Variants in SEMA6D observed in about 807,000 individuals in gnomAD.
SEMA6D encodes the protein semaphorin 6D.
Under a neutral mutation model 106.6 loss-of-function variants are expected in SEMA6D, and 35 were observed. The observed-to-expected ratio is 0.33, with a 90% CI of 0.25 to 0.44. The LOEUF is 0.44. Among genes scored for constraint, SEMA6D ranks in the 20% least tolerant of loss-of-function variants. SEMA6D has a pLI of 1.00. For missense variants in SEMA6D, 1,185 were observed against 1,345.9 expected (o/e 0.88, Z 1.87); for synonymous variants, 499 against 487.7 (o/e 1.02, Z -0.31).
chr15:47,314,844 G>GTT (rs2036588658), intron 1 of SEMA6D, among the ~76,000 whole-genome samples: 1 of 115,356 alleles, frequency 8.7e-6, no homozygotes, highest in African/African-American at 3.6e-5. Context: ...AATCATCTAG[G>GTT]TTTTCTTTTT....
At chr15:47,363,200 C>A (rs2038877987) in intron 1 of SEMA6D, among the ~76,000 whole-genome samples, 1 of 152,242 alleles carries the variant, frequency 6.6e-6, no homozygotes, top group Middle Eastern at 3.4e-3. Context: ...AAGAGGTAAC[C>A]TATCCAGGGT....
intron 2 of SEMA6D, among the ~76,000 whole-genome samples, chr15:47,465,220 G>T (rs1450426232): frequency 6.6e-6 from 1 of 152,160 alleles, no homozygotes; most frequent in Non-Finnish European, 1.5e-5. Context: ...ATCTGGATTT[G>T]TAATGTGTAA....
chr15:47,538,183 C>T (rs2045235998), intron 3 of SEMA6D, among the ~76,000 whole-genome samples: 1 of 152,156 alleles, frequency 6.6e-6, no homozygotes, highest in South Asian at 2.1e-4. Flanking sequence ...ATAGAAGCTA[C>T]ACATTTTCTG....
At chr15:47,356,922 C>T (rs917026679) in intron 1 of SEMA6D, among the ~76,000 whole-genome samples, 1 of 152,130 alleles carries the variant, frequency 6.6e-6, no homozygotes. Flanking sequence ...GAGAATAGAA[C>T]CAAATCTCAA....
chr15:47,586,453 C>A lies in SEMA6D; in HGVS notation c.-86-14412C>A, dbSNP rs960466097. ...GGGCAAGGCAGCTAACTTCAGTGAG[C>A]CTTAATTAACTTATTTTTACAAAGC... is the stretch of plus-strand genomic sequence containing the variant. On this transcript the variant is annotated intron_variant, in intron 3 of 19. Coordinates refer to the SEMA6D transcript ENST00000558014. Among the ~76,000 whole-genome samples, 6 of 152,238 alleles carry A rather than the reference C, an allele frequency of 3.9e-5. No homozygotes were observed. In the South Asian group the frequency reaches 1.0e-3, roughly 26 times the overall value.
chr15:47,580,557 G>A lies in SEMA6D; in HGVS notation c.-86-20308G>A, dbSNP rs146389230. Among the ~76,000 whole-genome samples the A allele has an allele frequency of 3.1e-3, 471 of 152,024 alleles. 2 individuals are homozygous for A. The highest frequency in any genetic ancestry group is 0.011 in the African/African-American group (455 of 41,432). The stretch of plus-strand genomic sequence containing the variant: ...ACTCACCAACAGCAACTACCACATC[G>A]ATAAAGATTACTATAGCCATTGAAA... On this transcript the variant is annotated intron_variant, in intron 3 of 19. Coordinates refer to the SEMA6D transcript ENST00000558014.
At chr15:47,283,368 G>A (rs930223455) in intron 1 of SEMA6D, among the ~76,000 whole-genome samples, 11 of 152,150 alleles carry the variant, frequency 7.2e-5, no homozygotes, top group African/African-American at 2.7e-4. Context: ...ACCACAAGCT[G>A]TTTGGCATTG....
chr15:47,551,357 G>A (rs2045681954), intron 3 of SEMA6D, among the ~76,000 whole-genome samples: 1 of 152,112 alleles, frequency 6.6e-6, no homozygotes, highest in Admixed American at 6.6e-5. Context: ...GGGAAGGGAT[G>A]GACTGAATGT....
At chr15:47,487,621 T>G (rs1000927891) in intron 3 of SEMA6D, among the ~76,000 whole-genome samples, 4 of 152,226 alleles carry the variant, frequency 2.6e-5, no homozygotes, top group Non-Finnish European at 2.9e-5. Flanking sequence ...TCAGTAGATA[T>G]GGATCTATTT....
chr15:47,330,055 C>T lies in SEMA6D; in HGVS notation c.-238-82338C>T, dbSNP rs77965179. Among the ~76,000 whole-genome samples the T allele has an allele frequency of 4.5e-3, 678 of 152,302 alleles. 10 individuals carry two copies. Among genetic ancestry groups the T allele is most frequent in the African/African-American group, 0.016 (655 of 41,562 alleles). On this transcript the variant is annotated intron_variant, in intron 1 of 19. Coordinates refer to the SEMA6D transcript ENST00000558014. ...TATTTATAATGGCACCTTTACTGAT[C>T]GTATATTTACCTCCTCTCTCTCCCA...
chr15:47,642,654 G>C (rs1030081349), intron 4 of SEMA6D, among the ~76,000 whole-genome samples: 3 of 152,166 alleles, frequency 2.0e-5, no homozygotes, highest in Admixed American at 6.5e-5. Flanking sequence ...GGGAGTCTGT[G>C]AGAGAGAGCA....
At chr15:47,378,814 C>G (rs1316619909) in intron 1 of SEMA6D, among the ~76,000 whole-genome samples, 5 of 152,298 alleles carry the variant, frequency 3.3e-5, no homozygotes, top group Non-Finnish European at 5.9e-5. Flanking sequence ...AATAAATAAA[C>G]TGCTCTCTGG....
At chr15:47,577,724 C>T (rs897477244) in intron 3 of SEMA6D, among the ~76,000 whole-genome samples, 12 of 152,190 alleles carry the variant, frequency 7.9e-5, no homozygotes, top group Non-Finnish European at 1.3e-4. Context: ...CCCTCCCTTA[C>T]CATTAGCAGA....
At chr15:47,616,591 A>AT (rs2077011337) in intron 4 of SEMA6D, among the ~76,000 whole-genome samples, 1 of 151,702 alleles carries the variant, frequency 6.6e-6, no homozygotes, top group African/African-American at 2.4e-5. Context: ...AAAAAAAAAA[A>AT]AAAAGATGAT....
chr15:47,516,577 C>T (rs902250388), intron 3 of SEMA6D, among the ~76,000 whole-genome samples: 10 of 152,132 alleles, frequency 6.6e-5, no homozygotes, highest in Admixed American at 5.9e-4. Flanking sequence ...AGCTCCAGAG[C>T]TCCTCCCCAT....
intron 1 of SEMA6D, among the ~76,000 whole-genome samples, chr15:47,189,726 C>G (rs2140932954): frequency 6.6e-6 from 1 of 152,258 alleles, no homozygotes; most frequent in South Asian, 2.1e-4. Flanking sequence ...GTCTAAAATG[C>G]AGATGTGTTG....
At chr15:47,519,152 G>C (rs906943132) in intron 3 of SEMA6D, among the ~76,000 whole-genome samples, 1 of 152,014 alleles carries the variant, frequency 6.6e-6, no homozygotes, top group Admixed American at 6.5e-5. Context: ...AAAATAAAAT[G>C]TATAGTGTAA....
At chr15:47,464,830 C>T (rs1322070984) in intron 2 of SEMA6D, among the ~76,000 whole-genome samples, 1 of 152,134 alleles carries the variant, frequency 6.6e-6, no homozygotes, top group Non-Finnish European at 1.5e-5. Flanking sequence ...ATCAAAGTGA[C>T]AGTCCCATGG....
At chr15:47,401,053 G>A (rs2040382629) in intron 1 of SEMA6D, among the ~76,000 whole-genome samples, 1 of 152,210 alleles carries the variant, frequency 6.6e-6, no homozygotes, top group Admixed American at 6.5e-5. Flanking sequence ...AGGAAAGCTA[G>A]TAATGGTAGC....
Sources: allele counts gnomAD v4.1 joint callset (sites outside exome capture counted in the v4.1 genomes callset), GRCh38; gene constraint gnomAD v4.1.1; transcripts MANE v1.5; gene names NCBI Gene and HGNC (gene_info 2026-07-23, HGNC 2026-07-21).